The following NECTIN1 variants were observed in gnomAD, a reference collection of about 807,000 sequenced individuals.
NECTIN1 encodes the protein nectin-1.
NECTIN1 carries 23 observed loss-of-function variants against 48.0 expected under a neutral mutation model. The ratio of observed to expected loss-of-function variants is 0.48; its 90% CI spans 0.34 to 0.68. The LOEUF (loss-of-function observed/expected upper bound fraction) is 0.68. NECTIN1 is among the 30% of genes least tolerant of loss of function. The pLI is 0.01. For missense variants in NECTIN1, 591 were observed against 709.9 expected (o/e 0.83, Z 1.90); for synonymous variants, 270 against 288.9 (o/e 0.93, Z 0.66).
intron 1 of NECTIN1, among the ~76,000 whole-genome samples, chr11:119,712,317 G>A (rs1289663852): frequency 1.4e-5 from 2 of 148,078 alleles, no homozygotes; most frequent in African/African-American, 2.4e-5. Flanking sequence ...CAAGGTCACG[G>A]TCCCAGAGAA....
chr11:119,662,665 G>A lies in NECTIN1; in HGVS notation c.*2082C>T, dbSNP rs1319869489. 1 of 985,520 alleles carries A rather than the reference G, an allele frequency of 1.0e-6. No homozygotes were observed. The highest frequency in any genetic ancestry group is 1.2e-6 in the Non-Finnish European group (1 of 830,010). The allele number at this position is 985,520 out of a possible 1,614,324, so 61.0% of individuals were successfully genotyped here. ...GGGGGAAAAGGGGACCAAGCAGAGGGGCCAGAGTGTTGTAAGGTGGGATGG... is the reference window on the plus strand; with the variant it reads ...GGGGGAAAAGGGGACCAAGCAGAGGAGCCAGAGTGTTGTAAGGTGGGATGG... On this transcript the variant is annotated 3_prime_UTR_variant, in exon 6 of 6. Coordinates refer to ENST00000264025, the MANE Select transcript of NECTIN1 (RefSeq NM_002855.5). This position sits in a 1 kb window ranked among gnomAD's most constrained non-coding sequence, Gnocchi z 5.3.
At chr11:119,639,705 A>G in intron 6 of NECTIN1, 1 of 902,832 alleles carries the variant, frequency 1.1e-6, no homozygotes, top group Non-Finnish European at 1.7e-6. Flanking sequence ...CAGGAGGGTC[A>G]GCTCTTCCTG....
At chr11:119,716,468 T>C (rs1425945285) in intron 1 of NECTIN1, among the ~76,000 whole-genome samples, 1 of 152,204 alleles carries the variant, frequency 6.6e-6, no homozygotes, top group African/African-American at 2.4e-5. Context: ...CTCATCCCAT[T>C]GTACAGCTAG....
chr11:119,652,889 A>T (rs1427234157), intron 5 of NECTIN1, among the ~76,000 whole-genome samples: 1 of 152,178 alleles, frequency 6.6e-6, no homozygotes, highest in Non-Finnish European at 1.5e-5. Context: ...TCACATCCCC[A>T]CTGATGGTAC....
chr11:119,719,233 T>TATC (rs1350802102), intron 1 of NECTIN1, among the ~76,000 whole-genome samples: 1 of 152,196 alleles, frequency 6.6e-6, no homozygotes, highest in Non-Finnish European at 1.5e-5. Flanking sequence ...AACACCAGGT[T>TATC]ATCGCTGCAC....
intron 1 of NECTIN1, among the ~76,000 whole-genome samples, chr11:119,706,052 T>C (rs1187110856): frequency 6.6e-6 from 1 of 152,180 alleles, no homozygotes; most frequent in East Asian, 1.9e-4. Flanking sequence ...TTATTTATGA[T>C]TGTTATTGGG....
chr11:119,661,879 A>T lies in NECTIN1; in HGVS notation c.*2868T>A. Reference sequence around the variant, plus strand: ...ACATGCCTGCGCGTGGGTGTGTTGGAGGTGTGAGTGTGTCCACTGTGGGCA... The same window carrying T: ...ACATGCCTGCGCGTGGGTGTGTTGGTGGTGTGAGTGTGTCCACTGTGGGCA... On this transcript the variant is annotated 3_prime_UTR_variant, in exon 6 of 6. Coordinates refer to ENST00000264025, the MANE Select transcript of NECTIN1 (RefSeq NM_002855.5). 1.0e-6 allele frequency: 1 copy of T among 984,456 alleles called. No homozygotes were observed. The highest frequency in any genetic ancestry group is 1.2e-6 in the Non-Finnish European group (1 of 829,740). 61.0% of individuals were successfully genotyped at this position (984,456 alleles called of 1,614,324 possible). A position where few individuals can be genotyped will look rare whatever the true frequency, so the allele number is the denominator to read the frequency against.
At chr11:119,697,362 G>A (rs546553251) in intron 1 of NECTIN1, among the ~76,000 whole-genome samples, 4 of 152,252 alleles carry the variant, frequency 2.6e-5, no homozygotes, top group African/African-American at 9.6e-5. Flanking sequence ...CCATCAGCAC[G>A]GTTGGCATTT....
chr11:119,639,966 C>G (rs758710390), exon 6 of NECTIN1: 2 of 1,613,988 alleles, frequency 1.2e-6, no homozygotes, highest in African/African-American at 2.7e-5. Flanking sequence ...CGGTGCCCGC[C>G]AGGAGCCTGG....
intron 5 of NECTIN1, chr11:119,674,682 C>T: frequency 6.2e-7 from 1 of 1,614,242 alleles, no homozygotes. Flanking sequence ...GCACACAAAG[C>T]ACTATGGCTT....
chr11:119,674,450 C>T lies in NECTIN1; in HGVS notation c.1003+709G>A, dbSNP rs1272065587. The T allele has an allele frequency of 7.5e-6, 12 of 1,593,838 alleles. No individual in the cohort carries two copies. The East Asian group carries it at 9.0e-5, about 12-fold the overall frequency. Reference sequence around the variant, plus strand: ...TGATCTGTGCTAGGTGCTTGACTTACATCACGTAGAATTCTGACAACAGCC... The same window carrying T: ...TGATCTGTGCTAGGTGCTTGACTTATATCACGTAGAATTCTGACAACAGCC... On this transcript the variant is annotated intron_variant, in intron 5 of 5. Transcript: ENST00000264025.
chr11:119,699,544 C>T (rs1434429297), intron 1 of NECTIN1, among the ~76,000 whole-genome samples: 2 of 152,210 alleles, frequency 1.3e-5, no homozygotes, highest in Non-Finnish European at 2.9e-5. Flanking sequence ...GGCGGGCAGG[C>T]ACGGCTGGGC....
At position 119,664,900 on chromosome 11, in the gene NECTIN1, G is replaced by A. The variant is rs1321918329; in HGVS notation, c.1401C>T (p.Pro467=). ...CCTCGGCCTCATCCACGGTGAAGTA[G>A]GGCCGCTTGGCGTCCTCGTCATATT... is the stretch of plus-strand genomic sequence containing the variant. ...HPKYDEDAKR[P]YFTVDEAEAR... is the part of the protein sequence containing the mutation. Residue 467 remains proline, a synonymous_variant, in exon 6 of 6, where the codon CCC becomes CCT. Coordinates refer to ENST00000264025, the MANE Select transcript of NECTIN1 (RefSeq NM_002855.5). 6.2e-7 allele frequency: 1 copy of A among 1,613,990 alleles called. No homozygotes were observed. The highest frequency in any genetic ancestry group is 8.5e-7 in the Non-Finnish European group (1 of 1,179,960).
intron 1 of NECTIN1, among the ~76,000 whole-genome samples, chr11:119,699,684 G>A (rs972118340): frequency 8.5e-5 from 13 of 152,214 alleles, no homozygotes; most frequent in African/African-American, 1.9e-4. Flanking sequence ...AGACGCTCAG[G>A]TGCATTCCCT....
chr11:119,715,136 G>T (rs1865724349), intron 1 of NECTIN1, among the ~76,000 whole-genome samples: 2 of 152,304 alleles, frequency 1.3e-5, no homozygotes, highest in South Asian at 4.1e-4. Flanking sequence ...GCTGCAGCTG[G>T]AGGATGACCA....
At chr11:119,658,097 C>A (rs575825397), downstream of NECTIN1, among the ~76,000 whole-genome samples, 5 of 152,120 alleles carry the variant, frequency 3.3e-5, no homozygotes, top group African/African-American at 1.2e-4. Context: ...TGATGCCCTG[C>A]GGCTGGTTCT....
At position 119,672,134 on chromosome 11, in the gene NECTIN1, C is replaced by T. The variant is rs759313313; in HGVS notation, c.1003+3025G>A. Among the ~76,000 whole-genome samples, 8 of 152,230 alleles carry T rather than the reference C, an allele frequency of 5.3e-5. No homozygotes were observed. The highest frequency in any genetic ancestry group is 8.8e-5 in the Non-Finnish European group (6 of 68,044). On this transcript the variant is annotated intron_variant, in intron 5 of 5. Coordinates refer to ENST00000264025, the MANE Select transcript of NECTIN1 (RefSeq NM_002855.5). This position sits in a 1 kb window ranked among gnomAD's most constrained non-coding sequence, Gnocchi z 4.3. The stretch of plus-strand genomic sequence containing the variant: ...TGACCCTCACCTGCAAGGGATGAGC[C>T]CGGGCTTCACTGGAAATGTGAGTTG...
chr11:119,660,788 T>C (rs1864649977), downstream of NECTIN1, among the ~76,000 whole-genome samples: 1 of 152,140 alleles, frequency 6.6e-6, no homozygotes, highest in Non-Finnish European at 1.5e-5. Flanking sequence ...TCAAAGTCCA[T>C]GGTCTTCTCA....
rs1481974941 is a variant in NECTIN1, at chr11:119,664,711, G to A, written c.*36C>T. On this transcript the variant is annotated 3_prime_UTR_variant, in exon 6 of 6. Coordinates refer to ENST00000264025, the MANE Select transcript of NECTIN1 (RefSeq NM_002855.5). ...AGGGGGCGTGCGGGGAGGGGCTGGG[G>A]AGGAGCGGTCACAGACAGAGGCTCT... 5.1e-6 allele frequency: 8 copies of A among 1,557,030 alleles called. No homozygotes were observed. The highest frequency in any genetic ancestry group is 3.5e-4 in the Middle Eastern group (2 of 5,696).
Sources: allele counts gnomAD v4.1 joint callset (sites outside exome capture counted in the v4.1 genomes callset), GRCh38; gene constraint gnomAD v4.1.1; non-coding constraint Gnocchi (gnomAD v3.1); transcripts MANE v1.5; gene names NCBI Gene and HGNC (gene_info 2026-07-23, HGNC 2026-07-21).